Variants in GSK3B observed in about 807,000 individuals in gnomAD.
The protein encoded by GSK3B is glycogen synthase kinase-3 beta.
Under a neutral mutation model 56.4 loss-of-function variants are expected in GSK3B, and 15 were observed. The observed-to-expected ratio is 0.27, with a 90% CI of 0.18 to 0.41. The LOEUF is 0.41. Ranked by LOEUF, GSK3B falls within the 10% of genes least tolerant of loss-of-function variation. GSK3B has a pLI of 1.00. For synonymous variants in GSK3B, 181 were observed against 188.9 expected, an observed-to-expected ratio of 0.96 and a Z score of 0.34; for missense variants, 300 against 513.4, an observed-to-expected ratio of 0.58 and a Z score of 4.02.
chr3:120,056,214 C>A (rs1295926524), intron 1 of GSK3B, among the ~76,000 whole-genome samples: 3 of 152,180 alleles, frequency 2.0e-5, no homozygotes, highest in Non-Finnish European at 2.9e-5. Context: ...CTTACTATAT[C>A]TTAATAAAGT....
In GSK3B at chr3:120,077,469, G is replaced by A. The variant is rs181980875; in HGVS notation, c.88+15878C>T. Among the ~76,000 whole-genome samples, 252 of 152,260 alleles carry A rather than the reference G, an allele frequency of 1.7e-3. 2 individuals are homozygous for A. Among genetic ancestry groups the A allele is most frequent in the Admixed American group, 7.5e-3 (115 of 15,300 alleles). ...AATATACAGAGATAGAGAGTAAACTGGTTAGCAGAGGTTGAGCAGGGGAGG... is the reference window on the plus strand; with the variant it reads ...AATATACAGAGATAGAGAGTAAACTAGTTAGCAGAGGTTGAGCAGGGGAGG... On this transcript the variant is annotated intron_variant, in intron 1 of 10. Coordinates refer to ENST00000264235, the MANE Select transcript of GSK3B (RefSeq NM_001146156.2).
intron 8 of GSK3B, among the ~76,000 whole-genome samples, chr3:119,873,821 G>C (rs923676085): frequency 1.3e-5 from 2 of 152,008 alleles, no homozygotes; most frequent in Non-Finnish European, 2.9e-5. Flanking sequence ...ACCAACATAA[G>C]TGCACTTATT....
chr3:119,988,137 T>G (rs1042287092), intron 2 of GSK3B, among the ~76,000 whole-genome samples: 5 of 152,190 alleles, frequency 3.3e-5, no homozygotes, highest in African/African-American at 1.2e-4. Context: ...AACATCAGAA[T>G]AGAGGAAAAA....
chr3:119,863,573 A>G lies in GSK3B; in HGVS notation c.942T>C (p.Ile314=), dbSNP rs1043499144. ...VFRPRTPPEA[I]ALCSRLLEYT... The stretch of plus-strand genomic sequence containing the variant: ...ACTCCAGCAGACGGCTACACAGTGC[A>G]ATTGCCTCCGGTGGAGTTCGGGGTC... Residue 314 remains isoleucine (I), a synonymous_variant, in exon 9 of 11, where the codon ATT becomes ATC. Transcript: ENST00000264235. 1 of 1,613,436 alleles carries G rather than the reference A, an allele frequency of 6.2e-7. No individual in the cohort carries two copies. The highest frequency in any genetic ancestry group is 1.6e-4 in the Middle Eastern group (1 of 6,062).
At chr3:119,934,402 G>C (rs985754897) in intron 3 of GSK3B, among the ~76,000 whole-genome samples, 8 of 152,178 alleles carry the variant, frequency 5.3e-5, no homozygotes, top group Non-Finnish European at 1.2e-4. Context: ...CTCCAATAGT[G>C]AGGCATCCTA....
chr3:119,960,509 C>T (rs1019690616), intron 2 of GSK3B, among the ~76,000 whole-genome samples: 1 of 152,068 alleles, frequency 6.6e-6, no homozygotes, highest in Admixed American at 6.5e-5. Context: ...TCTATCAATG[C>T]CAATATCCTA....
At chr3:119,866,487 T>C in intron 8 of GSK3B, 1 of 785,368 alleles carries the variant, frequency 1.3e-6, no homozygotes, top group Non-Finnish European at 2.3e-6. Context: ...TTGTTTACTA[T>C]TACATTTCAA....
chr3:119,902,100 C>A (rs906536258), intron 7 of GSK3B, among the ~76,000 whole-genome samples: 1 of 152,072 alleles, frequency 6.6e-6, no homozygotes, highest in African/African-American at 2.4e-5. Flanking sequence ...ATTTATGAGA[C>A]CACCTTTAAG....
intron 3 of GSK3B, among the ~76,000 whole-genome samples, chr3:119,928,377 G>A (rs962087736): frequency 6.6e-6 from 1 of 151,838 alleles, no homozygotes; most frequent in East Asian, 1.9e-4. Flanking sequence ...AGGCAGAGGC[G>A]GGCGGATCAT....
At chr3:119,846,531 T>C (rs545533404) in intron 9 of GSK3B, among the ~76,000 whole-genome samples, 37 of 152,118 alleles carry the variant, frequency 2.4e-4, no homozygotes, top group Non-Finnish European at 4.1e-4. Context: ...AACAAACATA[T>C]GAAAAAAAGC....
At chr3:119,833,690 G>GT (rs902919136) in intron 10 of GSK3B, among the ~76,000 whole-genome samples, 4,687 of 75,814 alleles carry the variant, frequency 0.062, 181 homozygotes, top group African/African-American at 0.07. Context: ...ACATTAGGTT[G>GT]TTTTTTTTTT....
At chr3:120,027,093 G>T (rs548029315) in intron 1 of GSK3B, among the ~76,000 whole-genome samples, 1 of 149,936 alleles carries the variant, frequency 6.7e-6, no homozygotes, top group Non-Finnish European at 1.5e-5. Flanking sequence ...CAGCAGGAAC[G>T]GCCAGGCACG....
chr3:119,928,617 A>T (rs1458403957), intron 3 of GSK3B, among the ~76,000 whole-genome samples: 3 of 145,978 alleles, frequency 2.1e-5, no homozygotes, highest in East Asian at 3.9e-4. Flanking sequence ...AAAAATAAAA[A>T]AAAAAAAAAA....
chr3:119,923,335 T>C (rs761435246), intron 4 of GSK3B, 38 bp downstream of exon 4: 2 of 1,062,832 alleles, frequency 1.9e-6, no homozygotes, highest in Admixed American at 3.7e-5. Context: ...TCATAAAAAA[T>C]GTTTTCTAAA....
chr3:120,015,328 A>G (rs1335854574), intron 1 of GSK3B, among the ~76,000 whole-genome samples: 1 of 152,002 alleles, frequency 6.6e-6, no homozygotes, highest in Admixed American at 6.6e-5. Flanking sequence ...AAAAGTCTGA[A>G]CCCCTTACTT....
intron 3 of GSK3B, among the ~76,000 whole-genome samples, chr3:119,940,418 T>C (rs2057037206): frequency 6.6e-6 from 1 of 152,014 alleles, no homozygotes. Flanking sequence ...TATGCACACA[T>C]ACCTGCTCTC....
intron 8 of GSK3B, among the ~76,000 whole-genome samples, chr3:119,871,478 A>T (rs937428217): frequency 6.6e-6 from 1 of 152,218 alleles, no homozygotes; most frequent in Non-Finnish European, 1.5e-5. Context: ...TATTAATACT[A>T]TTATTATAAA....
rs888284430 is a variant in GSK3B at position 120,094,310 on chromosome 3, C to G, written c.-876G>C. On this transcript the variant is annotated 5_prime_UTR_variant, in exon 1 of 11. Transcript: ENST00000264235. ...CGCTCAGGAAGTGTCCGCGCTTTGCCCCAGCCCAGAGCCCTGTCAGCGGCT... is the reference window on the plus strand; with the variant it reads ...CGCTCAGGAAGTGTCCGCGCTTTGCGCCAGCCCAGAGCCCTGTCAGCGGCT... 3 of 252,732 alleles carry G rather than the reference C, an allele frequency of 1.2e-5. No homozygotes were observed. Among genetic ancestry groups the G allele is most frequent in the Non-Finnish European group, 2.3e-5 (3 of 129,562 alleles). The allele number at this position is 252,732 out of a possible 1,614,324, so 15.7% of individuals were successfully genotyped here. A position where few individuals can be genotyped will look rare whatever the true frequency, so the allele number is the denominator to read the frequency against.
chr3:119,936,673 A>C lies in GSK3B; in HGVS notation c.366+10595T>G, dbSNP rs1050857482. On this transcript the variant is annotated intron_variant, in intron 3 of 10. Coordinates refer to ENST00000264235, the MANE Select transcript of GSK3B (RefSeq NM_001146156.2). ...TTGGGTATCGTATGTTGATTAAAAA[A>C]ATCAAGTCATCAAGGAGCTATAACA... Among the ~76,000 whole-genome samples the C allele has an allele frequency of 3.9e-5, 6 of 151,904 alleles. 1 individual carries two copies. Among genetic ancestry groups the C allele is most frequent in the African/African-American group, 1.5e-4 (6 of 41,220 alleles).
Sources: allele counts gnomAD v4.1 joint callset (sites outside exome capture counted in the v4.1 genomes callset), GRCh38; gene constraint gnomAD v4.1.1; transcripts MANE v1.5; gene names NCBI Gene and HGNC (gene_info 2026-07-23, HGNC 2026-07-21).